The following CLCA4 variants were observed in gnomAD, a reference collection of about 807,000 sequenced individuals.
The protein encoded by CLCA4 is chloride channel accessory 4, also known as calcium-activated chloride channel regulator 4.
A neutral mutation model predicts 78.9 loss-of-function variants in CLCA4; 69 were observed. The ratio of observed to expected loss-of-function variants is 0.87; its 90% CI spans 0.72 to 1.07. CLCA4 has a LOEUF of 1.07. Ranked by LOEUF, CLCA4 falls within the 50% of genes least tolerant of loss-of-function variation. The pLI, the probability that CLCA4 is intolerant of heterozygous loss-of-function variation, is 0.00. For synonymous variants in CLCA4, 362 were observed against 375.8 expected (o/e 0.96, Z 0.42); for missense variants, 1,133 against 1,095.8 (o/e 1.03, Z -0.48).
rs149465691 is a variant in CLCA4 at position 86,563,365 on chromosome 1, T to G, written c.449-296T>G. Among the ~76,000 whole-genome samples, 36 of 151,962 alleles carry G rather than the reference T, an allele frequency of 2.4e-4. 1 individual carries two copies. In the East Asian group the frequency reaches 6.8e-3, roughly 29 times the overall value. The stretch of plus-strand genomic sequence containing the variant: ...AACCATAAACCATTGTACTAAGACT[T>G]TTTACCACCAAGAACCAAAACACAA... On this transcript the variant is annotated intron_variant, in intron 3 of 13. Coordinates refer to ENST00000370563, the MANE Select transcript of CLCA4 (RefSeq NM_012128.4).
intron 4 of CLCA4, 29 bp from the exon 5 acceptor site, chr1:86,565,245 C>T: frequency 6.6e-7 from 1 of 1,514,046 alleles, no homozygotes; most frequent in Non-Finnish European, 8.9e-7. Flanking sequence ...ATTCAGTTGC[C>T]TCAAAGATTA....
rs772366858 is a variant in CLCA4 at position 86,571,122 on chromosome 1, C to T, written c.1228C>T (p.Leu410=). 13 of 1,612,578 alleles carry T rather than the reference C, an allele frequency of 8.1e-6. No homozygotes were observed. The South Asian group carries it at 1.4e-4, about 18-fold the overall frequency. Residue 410 remains leucine, a synonymous_variant, in exon 8 of 14, where the codon CTG becomes TTG. Transcript: ENST00000370563. ...HSQLDGSEVL[L]LTDGEDNTAS... Reference sequence around the variant, plus strand: ...CCAACTCGATGGATCCGAAGTACTGCTGCTGACTGATGGGGAGGATAACAC... The same window carrying T: ...CCAACTCGATGGATCCGAAGTACTGTTGCTGACTGATGGGGAGGATAACAC...
At position 86,566,016 on chromosome 1, in the gene CLCA4, T is replaced by G. The variant is rs763272861; in HGVS notation, c.950T>G (p.Met317Arg). ...TTAGTTCTTGATAAGTCTGGAAGCA[T>G]GGGGGTAAGATCACTTTTTCTGGAT... is the stretch of plus-strand genomic sequence containing the variant. ...VCLVLDKSGS[M>R]GGKDRLNRMN... Residue 317 changes from methionine to arginine, a missense_variant, in exon 6 of 14, where the codon ATG (methionine) becomes AGG (arginine). Met to Arg is a moderately conservative substitution (Grantham distance 91). Transcript: ENST00000370563. 9.3e-6 allele frequency: 15 copies of G among 1,611,120 alleles called. No homozygotes were observed. The highest frequency in any genetic ancestry group is 1.3e-5 in the Non-Finnish European group (15 of 1,178,082).
intron 12 of CLCA4, among the ~76,000 whole-genome samples, chr1:86,579,065 G>A (rs1339611854): frequency 6.6e-6 from 1 of 151,866 alleles, no homozygotes; most frequent in Non-Finnish European, 1.5e-5. Context: ...TAATTCAAGA[G>A]GTAAAGCAAT....
intron 1 of CLCA4, among the ~76,000 whole-genome samples, chr1:86,558,515 G>A (rs1649914616): frequency 6.6e-6 from 1 of 152,130 alleles, no homozygotes; most frequent in South Asian, 2.1e-4. Flanking sequence ...CCACTCTTAT[G>A]CTGTTAATAA....
chr1:86,560,333 AAAAC>A lies in CLCA4; in HGVS notation c.427_430del (p.Gln143MetfsTer94), dbSNP rs763611947. On this transcript the variant is annotated frameshift_variant, in exon 3 of 14. Coordinates refer to ENST00000370563, the MANE Select transcript of CLCA4 (RefSeq NM_012128.4). LOFTEE classifies it high-confidence loss of function. The stretch of plus-strand genomic sequence containing the variant: ...TCACCCCTGACCTTCTACTTGGAAA[AAAAC>A]AAAATGAATATGGACCACCAGGTAG... 1 of 1,613,912 alleles carries A rather than the reference AAAAC, an allele frequency of 6.2e-7. No individual in the cohort carries two copies. Among genetic ancestry groups the A allele is most frequent in the Non-Finnish European group, 8.5e-7 (1 of 1,179,898 alleles).
chr1:86,570,576 A>G (rs184441666), intron 7 of CLCA4, among the ~76,000 whole-genome samples: 2 of 152,222 alleles, frequency 1.3e-5, no homozygotes, highest in African/African-American at 4.8e-5. Flanking sequence ...AGAACTTTCC[A>G]TATTTTTTCT....
chr1:86,579,656 G>A (rs144019203), intron 13 of CLCA4, 69 bp downstream of exon 13: 2 of 1,051,100 alleles, frequency 1.9e-6, no homozygotes, highest in South Asian at 1.3e-5. Context: ...GGGGTGTAAG[G>A]GTGGGTGGGG....
At chr1:86,577,646 A>G (rs949652647) in intron 11 of CLCA4, among the ~76,000 whole-genome samples, 7 of 152,094 alleles carry the variant, frequency 4.6e-5, no homozygotes, top group African/African-American at 1.7e-4. Context: ...TGAAGTATTT[A>G]GGCATTTATT....
In CLCA4 at chr1:86,580,447, T is replaced by C; in HGVS notation, c.*102T>C. 1.1e-6 allele frequency: 1 copy of C among 892,120 alleles called. No individual in the cohort carries two copies. Among genetic ancestry groups the C allele is most frequent in the Non-Finnish European group, 1.6e-6 (1 of 631,830 alleles). The allele number at this position is 892,120 out of a possible 1,614,324, so 55.3% of individuals were successfully genotyped here. A position where few individuals can be genotyped will look rare whatever the true frequency, so the allele number is the denominator to read the frequency against. On this transcript the variant is annotated 3_prime_UTR_variant, in exon 14 of 14. Coordinates refer to ENST00000370563, the MANE Select transcript of CLCA4 (RefSeq NM_012128.4). ...TTTCTGAATCTTAAAATTCATCCCA[T>C]GTGTGATCATAAACTCATAAAAATA...
chr1:86,571,181 T>G lies in CLCA4; in HGVS notation c.1287T>G (p.Ser429Arg), dbSNP rs1247763377. ...CTTGTATTGATGAAGTGAAACAAAGTGGGGCCATTGTTCATTTTATTGCTT... is the reference window on the plus strand; with the variant it reads ...CTTGTATTGATGAAGTGAAACAAAGGGGGGCCATTGTTCATTTTATTGCTT... ...ASSCIDEVKQ[S>R]GAIVHFIALG... Residue 429 changes from serine to arginine, a missense_variant, in exon 8 of 14, where the codon AGT (serine) becomes AGG (arginine). By Grantham distance (110) the Ser-to-Arg change is moderately radical. Transcript: ENST00000370563. 6.2e-7 allele frequency: 1 copy of G among 1,612,940 alleles called. No individual in the cohort carries two copies. Among genetic ancestry groups the G allele is most frequent in the Non-Finnish European group, 8.5e-7 (1 of 1,179,154 alleles).
At chr1:86,549,809 G>A (rs1336330363) in intron 1 of CLCA4, among the ~76,000 whole-genome samples, 1 of 152,178 alleles carries the variant, frequency 6.6e-6, no homozygotes, top group East Asian at 1.9e-4. Flanking sequence ...GTTGGTTGGG[G>A]CTTTTGGAAT....
In CLCA4 at chr1:86,580,415, A is replaced by G; in HGVS notation, c.*70A>G. 3 of 1,212,104 alleles carry G rather than the reference A, an allele frequency of 2.5e-6. No individual in the cohort carries two copies. Among genetic ancestry groups the G allele is most frequent in the Non-Finnish European group, 3.4e-6 (3 of 895,420 alleles). 75.1% of individuals were successfully genotyped at this position (1,212,104 alleles called of 1,614,324 possible). ...TTTAAAAAACAAAACAATGTAAGTA[A>G]AGGATATTTCTGAATCTTAAAATTC... On this transcript the variant is annotated 3_prime_UTR_variant, in exon 14 of 14. Transcript: ENST00000370563.
chr1:86,552,966 G>A (rs1471288080), intron 1 of CLCA4: 3 of 631,988 alleles, frequency 4.7e-6, no homozygotes, highest in Admixed American at 5.3e-5. Context: ...CTGGGCAAAG[G>A]TTAGAAACTG....
Position 86,555,258 on chromosome 1 carries a change from C to T in CLCA4, c.160-4674C>T, listed in dbSNP as rs371673994. ...TTGCTTTTGTTGCAATTGTTTTAGGCATCTTTGTTATAAAATCTTTGCCTA... is the reference window on the plus strand; with the variant it reads ...TTGCTTTTGTTGCAATTGTTTTAGGTATCTTTGTTATAAAATCTTTGCCTA... On this transcript the variant is annotated intron_variant, in intron 1 of 13. Coordinates refer to ENST00000370563, the MANE Select transcript of CLCA4 (RefSeq NM_012128.4). 1.4e-3 allele frequency among the ~76,000 whole-genome samples: 216 copies of T among 152,058 alleles called. 3 individuals carry two copies. The South Asian group carries it at 0.04, about 28-fold the overall frequency.
At chr1:86,569,354 G>A (rs1650285468) in intron 7 of CLCA4, among the ~76,000 whole-genome samples, 1 of 151,988 alleles carries the variant, frequency 6.6e-6, no homozygotes, top group African/African-American at 2.4e-5. Context: ...AATTATAGAA[G>A]CTAGTAGCAG....
At chr1:86,554,671 T>A (rs1454664559) in intron 1 of CLCA4, among the ~76,000 whole-genome samples, 2 of 152,200 alleles carry the variant, frequency 1.3e-5, no homozygotes, top group Non-Finnish European at 2.9e-5. Context: ...TGCATGTGTG[T>A]CTTTCTGGTG....
intron 6 of CLCA4, among the ~76,000 whole-genome samples, chr1:86,566,890 G>A (rs1044513682): frequency 6.6e-6 from 1 of 152,058 alleles, no homozygotes; most frequent in Non-Finnish European, 1.5e-5. Flanking sequence ...GGCAGTGAGA[G>A]GTTAGGAACA....
chr1:86,567,240 C>T lies in CLCA4; in HGVS notation c.955-184C>T, dbSNP rs556130180. ...ACCTGCACTCCTTACTATACGTGTC[C>T]CATAATACACACCACCATTTTTTTA... is the stretch of plus-strand genomic sequence containing the variant. On this transcript the variant is annotated intron_variant, in intron 6 of 13. Coordinates refer to ENST00000370563, the MANE Select transcript of CLCA4 (RefSeq NM_012128.4). Among the ~76,000 whole-genome samples, 23 of 152,012 alleles carry T rather than the reference C, an allele frequency of 1.5e-4. No homozygotes were observed. In the South Asian group the frequency reaches 4.8e-3, roughly 32 times the overall value.
Sources: gnomAD v4.1 joint callset for allele counts (sites outside exome capture counted in the v4.1 genomes callset) on GRCh38, gnomAD v4.1.1 for gene constraint, MANE v1.5 for transcripts, NCBI Gene and HGNC (gene_info 2026-07-23, HGNC 2026-07-21) for gene names.